The following DLG3 variants were observed in gnomAD, a reference collection of about 807,000 sequenced individuals.
The protein encoded by DLG3 is disks large homolog 3.
In DLG3, 1 loss-of-function variant was observed where a neutral mutation model predicts 64.1. The ratio of observed to expected loss-of-function variants is 0.02; its 90% CI spans 0.01 to 0.07. The LOEUF (loss-of-function observed/expected upper bound fraction) is 0.07, where lower values mean the gene tolerates loss of function less well. Ranked by LOEUF, DLG3 falls within the 10% of genes least tolerant of loss-of-function variation. The probability of loss-of-function intolerance (pLI) is 1.00; values close to 1 mark genes in which losing one functional copy is unlikely to be tolerated. For missense variants in DLG3, 429 were observed against 669.5 expected, an observed-to-expected ratio of 0.64 and a Z score of 3.96; for synonymous variants, 245 against 259.8, an observed-to-expected ratio of 0.94 and a Z score of 0.55.
At chrX:70,449,532 A>T (rs377658609) in intron 3 of DLG3, 49 bp downstream of exon 3, 104 of 1,056,285 alleles carry the variant, frequency 9.8e-5, no homozygotes, top group Non-Finnish European at 1.2e-4. Context: ...CAGGATCGAG[A>T]TGAGGGGAGG....
At chrX:70,465,032 G>A (rs765425344) in intron 9 of DLG3, among the ~76,000 whole-genome samples, 1 of 111,963 alleles carries the variant, frequency 8.9e-6, no homozygotes, top group South Asian at 3.8e-4. Flanking sequence ...GTACATTAGG[G>A]GCCTAAGTAG....
Position 70,445,113 on chromosome X carries a change from CCGGCGGCGG to C in DLG3, c.-79_-71del. 8.0e-6 allele frequency: 6 copies of C among 751,349 alleles called. No homozygotes were observed. Among genetic ancestry groups the C allele is most frequent in the Non-Finnish European group, 9.3e-6 (5 of 538,959 alleles). 61.9% of individuals were successfully genotyped at this position (751,349 alleles called of 1,213,427 possible). ...GAGCAGTGTGAGTGTGCCAGGGAGC[CCGGCGGCGG>C]CGGCGGCGGTGGTGGCGGCGGTGGC... is the stretch of plus-strand genomic sequence containing the variant. On this transcript the variant is annotated 5_prime_UTR_variant, in exon 1 of 19. Transcript: ENST00000374360.
chrX:70,467,151 C>T (rs968899937), intron 9 of DLG3, among the ~76,000 whole-genome samples: 3 of 111,856 alleles, frequency 2.7e-5, no homozygotes, highest in African/African-American at 9.8e-5. Flanking sequence ...TTCCTGGCCT[C>T]AAGTGATTTT....
At chrX:70,499,310 C>T (rs1477388184) in intron 15 of DLG3, 33 bp downstream of exon 15, 5 of 1,027,500 alleles carry the variant, frequency 4.9e-6, no homozygotes, top group Non-Finnish European at 6.9e-6. Flanking sequence ...AGGAGTGAGG[C>T]TTGGTGCCCT....
chrX:70,457,714 G>A (rs1333370935), intron 9 of DLG3, among the ~76,000 whole-genome samples: 1 of 109,317 alleles, frequency 9.1e-6, no homozygotes, highest in Non-Finnish European at 1.9e-5. Context: ...TGGGACTACA[G>A]GTGCTCGCCA....
chrX:70,453,899 G>A (rs1386230046), intron 8 of DLG3, 106 bp downstream of exon 8: 3 of 806,784 alleles, frequency 3.7e-6, no homozygotes, highest in Non-Finnish European at 5.2e-6. Flanking sequence ...TGAAGGGAGG[G>A]CTAAGGACTG....
chrX:70,469,287 A>G (rs1343750842), intron 9 of DLG3, among the ~76,000 whole-genome samples: 3 of 111,315 alleles, frequency 2.7e-5, no homozygotes, highest in Non-Finnish European at 5.6e-5. Context: ...TGTTATGATT[A>G]CAAGTGTGAG....
At chrX:70,484,991 G>A (rs1041183943) in intron 10 of DLG3, among the ~76,000 whole-genome samples, 1 of 112,349 alleles carries the variant, frequency 8.9e-6, no homozygotes, top group African/African-American at 3.2e-5. Context: ...GCTGATGAGT[G>A]ACTGTTGCTT....
At chrX:70,495,278 C>T (rs749635444) in intron 12 of DLG3, 130 bp from the exon 13 acceptor site, 1 of 584,348 alleles carries the variant, frequency 1.7e-6, no homozygotes, top group South Asian at 2.4e-5. Flanking sequence ...TCTTCCTCCC[C>T]CCTTGTCTTT....
rs750354068 is a variant in DLG3, at chrX:70,470,058, C to G, written c.1406-9092C>G. Among the ~76,000 whole-genome samples, 6 of 111,973 alleles carry G rather than the reference C, an allele frequency of 5.4e-5. No individual in the cohort carries two copies. In the East Asian group the frequency reaches 1.7e-3, roughly 31 times the overall value. On this transcript the variant is annotated intron_variant, in intron 9 of 18. Transcript: ENST00000374360. ...GGTTATAGGCAACTAAAACACGAGC[C>G]ATTATTCAGCCATGTCTTCCCTACT...
At chrX:70,473,750 T>C (rs2087010074) in intron 9 of DLG3, among the ~76,000 whole-genome samples, 2 of 110,653 alleles carry the variant, frequency 1.8e-5, no homozygotes, top group Non-Finnish European at 3.8e-5. Flanking sequence ...TGCACCACCA[T>C]GCCCAGTTAA....
intron 9 of DLG3, among the ~76,000 whole-genome samples, chrX:70,466,229 C>T (rs756786294): frequency 1.6e-3 from 151 of 92,156 alleles, no homozygotes; most frequent in African/African-American, 6.0e-3. Context: ...CATTTGTGTG[C>T]AAGTGTTTCT....
At chrX:70,493,571 G>A (rs1016903078) in intron 12 of DLG3, 12 of 715,340 alleles carry the variant, frequency 1.7e-5, no homozygotes, top group South Asian at 1.2e-4. Context: ...GCAGGGCCAC[G>A]TGTGGCCTCG....
At chrX:70,500,426 G>C in intron 16 of DLG3, 45 bp from the exon 17 acceptor site, 1 of 1,034,308 alleles carries the variant, frequency 9.7e-7, no homozygotes, top group Non-Finnish European at 1.4e-6. Flanking sequence ...CTTGGGACTT[G>C]GTGAATAGGG....
chrX:70,449,107 A>G, intron 2 of DLG3, 144 bp downstream of exon 2: 1 of 739,676 alleles, frequency 1.4e-6, no homozygotes, highest in Non-Finnish European at 2.1e-6. Flanking sequence ...AGGCTGCTTC[A>G]CTGCATCAAT....
intron 1 of DLG3, among the ~76,000 whole-genome samples, chrX:70,446,852 G>T (rs761835792): frequency 1.8e-5 from 2 of 112,248 alleles, no homozygotes; most frequent in African/African-American, 6.5e-5. Flanking sequence ...TCCCCAAGCT[G>T]GTGACCGTTC....
In DLG3 at chrX:70,445,330, G is replaced by A. The variant is rs1389672545; in HGVS notation, c.129G>A (p.Gly43=). The change falls in exon 1 of 19, where the codon GGG becomes GGA. Residue 43 remains glycine (G), a synonymous_variant. Coordinates refer to ENST00000374360, the MANE Select transcript of DLG3 (RefSeq NM_021120.4). ...WQVPDPYGPG[G]GNGASAGYGG... is the part of the protein sequence containing the mutation. The stretch of plus-strand genomic sequence containing the variant: ...TCCCCGACCCTTACGGGCCAGGTGG[G>A]GGCAACGGCGCCAGCGCGGGTTATG... 8.6e-7 allele frequency: 1 copy of A among 1,168,278 alleles called. No individual in the cohort carries two copies. The highest frequency in any genetic ancestry group is 2.5e-5 in the Admixed American group (1 of 39,744).
intron 10 of DLG3, among the ~76,000 whole-genome samples, chrX:70,487,396 C>T (rs761148725): frequency 8.0e-5 from 9 of 111,843 alleles, no homozygotes; most frequent in Non-Finnish European, 1.3e-4. Flanking sequence ...GGACCTCTCC[C>T]CAGCTCTACC....
chrX:70,504,244 G>T lies in DLG3; in HGVS notation c.*1975G>T, dbSNP rs1044422. The T allele has an allele frequency of 9.0e-6, 1 of 110,750 alleles. No individual in the cohort carries two copies. The highest frequency in any genetic ancestry group is 1.9e-5 in the Non-Finnish European group (1 of 52,861). 9.1% of individuals were successfully genotyped at this position (110,750 alleles called of 1,213,427 possible). On this transcript the variant is annotated 3_prime_UTR_variant, in exon 19 of 19. Transcript: ENST00000374360. ...TTAACTAAGTGGCAAAGTCTCAACC[G>T]TGCTCAGCCCTCCCCCTCCCAGGGA...
Sources: gnomAD v4.1 joint callset for allele counts (sites outside exome capture counted in the v4.1 genomes callset) on GRCh38, gnomAD v4.1.1 for gene constraint, MANE v1.5 for transcripts, NCBI Gene and HGNC (gene_info 2026-07-23, HGNC 2026-07-21) for gene names.